The following UNC79 variants were observed in gnomAD, a reference collection of about 807,000 sequenced individuals.
UNC79 encodes the protein protein unc-79 homolog.
Under a neutral mutation model 283.1 loss-of-function variants are expected in UNC79, and 37 were observed. The ratio of observed to expected loss-of-function variants is 0.13; its 90% confidence interval spans 0.10 to 0.17. UNC79 has a LOEUF of 0.17. Ranked by LOEUF, UNC79 falls within the 10% of genes least tolerant of loss-of-function variation. The probability of loss-of-function intolerance (pLI) is 1.00; values close to 1 mark genes in which losing one functional copy is unlikely to be tolerated. For missense variants in UNC79, 2,272 were observed against 3,211.1 expected (o/e 0.71, Z 7.07); for synonymous variants, 1,107 against 1,200.2 (o/e 0.92, Z 1.61).
chr14:93,603,484 G>C (rs1004715977), intron 26 of UNC79, 66 bp downstream of exon 26: 2 of 1,547,168 alleles, frequency 1.3e-6, no homozygotes, highest in Admixed American at 1.9e-5. Flanking sequence ...GACTTGTCTT[G>C]TTGAATGTTC....
At position 93,690,481 on chromosome 14, in the gene UNC79, CT is replaced by C; in HGVS notation, c.7272+181del. On this transcript the variant is annotated intron_variant, in intron 45 of 48. Transcript: ENST00000555664. This position sits in a 1 kb window ranked among gnomAD's most constrained non-coding sequence, Gnocchi z 4.3. ...AAAGTTGTTTAGATTCCCAGACTGT[CT>C]TTCCCCCCGCCCCCAAATTGTTTTT... The C allele has an allele frequency of 3.1e-6, 2 of 638,654 alleles. No individual in the cohort carries two copies. The highest frequency in any genetic ancestry group is 4.8e-6 in the Non-Finnish European group (2 of 418,198). 39.6% of individuals were successfully genotyped at this position (638,654 alleles called of 1,614,324 possible).
intron 1 of UNC79, among the ~76,000 whole-genome samples, chr14:93,388,463 T>A (rs1367879615): frequency 1.3e-5 from 2 of 152,312 alleles, no homozygotes; most frequent in East Asian, 3.9e-4. Context: ...TTGTAAAGAA[T>A]AAATTTCTCA....
At chr14:93,412,109 C>T (rs937903172) in intron 1 of UNC79, among the ~76,000 whole-genome samples, 6 of 152,074 alleles carry the variant, frequency 3.9e-5, no homozygotes, top group African/African-American at 9.7e-5. Context: ...TAAAAAGAAG[C>T]AGAAATTCTG....
intron 1 of UNC79, among the ~76,000 whole-genome samples, chr14:93,386,924 CTGCTTT>C (rs2054786906): frequency 4.5e-5 from 3 of 66,258 alleles, no homozygotes; most frequent in Non-Finnish European, 8.9e-5. Context: ...TCATGTATTT[CTGCTTT>C]TTTTTTTTTT....
At chr14:93,485,412 T>C (rs144258649) in intron 4 of UNC79, among the ~76,000 whole-genome samples, 1 of 151,830 alleles carries the variant, frequency 6.6e-6, no homozygotes, top group Non-Finnish European at 1.5e-5. Context: ...TCTCAAAGAG[T>C]GGTCCAAAGC....
intron 5 of UNC79, among the ~76,000 whole-genome samples, chr14:93,493,893 ATATATATATT>A (rs1566998348): frequency 2.6e-5 from 1 of 39,196 alleles, no homozygotes; most frequent in African/African-American, 7.8e-5. Flanking sequence ...ATATATATAT[ATATATATATT>A]TTTTTTTTTT....
Position 93,643,202 on chromosome 14 carries a change from T to C in UNC79, c.5904-355T>C, listed in dbSNP as rs144985356. On this transcript the variant is annotated intron_variant, in intron 33 of 48. Transcript: ENST00000555664. Reference sequence around the variant, plus strand: ...TAAAAACAAATCTAGTTACTGACTTTCCTCAGCAATAATGTCAAATGCATC... The same window carrying C: ...TAAAAACAAATCTAGTTACTGACTTCCCTCAGCAATAATGTCAAATGCATC... 7.9e-3 allele frequency among the ~76,000 whole-genome samples: 1,205 copies of C among 152,334 alleles called. 55 individuals are homozygous for C. Among genetic ancestry groups the C allele is most frequent in the Admixed American group, 0.076 (1,161 of 15,298 alleles).
chr14:93,569,464 A>G (rs2063091793), intron 14 of UNC79, among the ~76,000 whole-genome samples: 1 of 152,160 alleles, frequency 6.6e-6, no homozygotes, highest in African/African-American at 2.4e-5. Context: ...AAAAAATAAG[A>G]GATTGCTGTC....
chr14:93,343,455 G>A lies in UNC79; in HGVS notation c.-351+9932G>A, dbSNP rs76678474. Among the ~76,000 whole-genome samples the A allele has an allele frequency of 5.6e-3, 847 of 152,274 alleles. 5 individuals carry two copies. The highest frequency in any genetic ancestry group is 9.1e-3 in the Non-Finnish European group (620 of 68,026). On this transcript the variant is annotated intron_variant, in intron 1 of 49. Transcript: ENST00000256339. ...CTGCTTTTGTTGCTTACTTATCTGAGTATCTCGATCATTGAGGTTGTGCAA... is the reference window on the plus strand; with the variant it reads ...CTGCTTTTGTTGCTTACTTATCTGAATATCTCGATCATTGAGGTTGTGCAA...
intron 7 of UNC79, among the ~76,000 whole-genome samples, chr14:93,503,672 C>T (rs2059400672): frequency 6.6e-6 from 1 of 151,894 alleles, no homozygotes; most frequent in Non-Finnish European, 1.5e-5. Context: ...AACATTTCTT[C>T]CTATGTTTAT....
At chr14:93,498,459 C>T (rs2059128165) in intron 7 of UNC79, among the ~76,000 whole-genome samples, 1 of 151,674 alleles carries the variant, frequency 6.6e-6, no homozygotes, top group East Asian at 1.9e-4. Context: ...GACGTGGTGG[C>T]ACGTGCCTCT....
chr14:93,369,016 GGGTTT>G (rs916829999), intron 1 of UNC79, among the ~76,000 whole-genome samples: 1 of 152,182 alleles, frequency 6.6e-6, no homozygotes, highest in African/African-American at 2.4e-5. Flanking sequence ...TTTATTGCAG[GGGTTT>G]GAGTTTACTT....
At chr14:93,479,675 C>T (rs764051388) in intron 4 of UNC79, among the ~76,000 whole-genome samples, 6 of 152,014 alleles carry the variant, frequency 3.9e-5, no homozygotes, top group Non-Finnish European at 8.8e-5. Flanking sequence ...TATTCTGTTG[C>T]CTGGGCTGGA....
At chr14:93,513,245 T>C (rs1306238256) in intron 7 of UNC79, among the ~76,000 whole-genome samples, 2 of 130,728 alleles carry the variant, frequency 1.5e-5, no homozygotes, top group Non-Finnish European at 3.2e-5. Context: ...CTTCCTAACA[T>C]GGTCTCACTC....
chr14:93,647,287 G>A (rs1251702942), intron 35 of UNC79, among the ~76,000 whole-genome samples: 1 of 152,160 alleles, frequency 6.6e-6, no homozygotes, highest in East Asian at 1.9e-4. Context: ...TCTACTTGAG[G>A]AGGGAGAAAA....
chr14:93,346,256 A>G (rs1029162002), intron 1 of UNC79, among the ~76,000 whole-genome samples: 4 of 152,194 alleles, frequency 2.6e-5, no homozygotes, highest in East Asian at 1.9e-4. Flanking sequence ...TACTCGTGCA[A>G]TAGGCCCCCA....
intron 26 of UNC79, among the ~76,000 whole-genome samples, 192 bp from the exon 27 acceptor site, chr14:93,604,704 A>G (rs1156521689): frequency 6.6e-6 from 1 of 152,248 alleles, no homozygotes; most frequent in Admixed American, 6.5e-5. Flanking sequence ...ATGAAGTAAC[A>G]TTGAAGGATG....
At chr14:93,521,372 A>G (rs2060312071) in intron 7 of UNC79, among the ~76,000 whole-genome samples, 1 of 152,008 alleles carries the variant, frequency 6.6e-6, no homozygotes, top group Admixed American at 6.6e-5. Flanking sequence ...AAGGACTCCT[A>G]TTTAGATTTC....
chr14:93,565,842 T>A (rs2062844087), intron 14 of UNC79, among the ~76,000 whole-genome samples: 1 of 152,162 alleles, frequency 6.6e-6, no homozygotes, highest in Admixed American at 6.5e-5. Context: ...ACTGATCAGC[T>A]GTTTCAATCC....
Sources: allele counts gnomAD v4.1 joint callset (sites outside exome capture counted in the v4.1 genomes callset), GRCh38; gene constraint gnomAD v4.1.1; non-coding constraint Gnocchi (gnomAD v3.1); transcripts MANE v1.5; gene names NCBI Gene and HGNC (gene_info 2026-07-23, HGNC 2026-07-21).